COL21A1: variants seen among roughly 807,000 people sequenced by gnomAD.
COL21A1 encodes the protein collagen type XXI alpha 1 chain.
In COL21A1, 149 loss-of-function variants were observed where a neutral mutation model predicts 137.9. The ratio of observed to expected loss-of-function variants is 1.08; its 90% CI spans 0.95 to 1.24. The LOEUF (loss-of-function observed/expected upper bound fraction) is 1.24, where lower values mean the gene tolerates loss of function less well. COL21A1 is among the 50% of genes most tolerant of loss of function. COL21A1 has a pLI of 0.00. For missense variants in COL21A1, 1,167 were observed against 1,158.4 expected (o/e 1.01, Z -0.11); for synonymous variants, 456 against 391.5 (o/e 1.16, Z -1.95).
At position 56,141,810 on chromosome 6, in the gene COL21A1, C is replaced by T. The variant is rs1774435226; in HGVS notation, c.1517G>A (p.Gly506Glu). Residue 506 changes from glycine (G) to glutamate (E), a missense_variant, in exon 12 of 30, where the codon GGA becomes GAA. By Grantham distance (98) the Gly-to-Glu change is moderately conservative (BLOSUM62 -2). Transcript: ENST00000244728. ...CTTGTCACCATCTCGCCCTGGTTCT[C>T]CTTTGTAACCTGGTAGTCCTCGAGC... ...QGARGLPGYK[G>E]EPGRDGDKGD... 2 of 1,613,566 alleles carry T rather than the reference C, an allele frequency of 1.2e-6. No homozygotes were observed. Among genetic ancestry groups the T allele is most frequent in the Non-Finnish European group, 1.7e-6 (2 of 1,179,744 alleles).
At chr6:56,259,256 A>C (rs1243834121) in intron 1 of COL21A1, among the ~76,000 whole-genome samples, 1 of 152,148 alleles carries the variant, frequency 6.6e-6, no homozygotes, top group Non-Finnish European at 1.5e-5. Context: ...AGTTTACTGC[A>C]TTCCCCCACT....
chr6:56,390,523 C>CAT lies in COL21A1; in HGVS notation c.-39+3447_-39+3448insAT, dbSNP rs1339360190. ...ACACACACACACACACACACACACA[C>CAT]ACACACACACACGACCCTACTATAT... On this transcript the variant is annotated intron_variant, in intron 1 of 28. Coordinates refer to the COL21A1 transcript ENST00000370819. Among the ~76,000 whole-genome samples, 6 of 151,626 alleles carry CAT rather than the reference C, an allele frequency of 4.0e-5. No individual in the cohort carries two copies. The East Asian group carries it at 1.2e-3, about 29-fold the overall frequency.
chr6:56,279,348 A>G (rs1763742921), intron 1 of COL21A1, among the ~76,000 whole-genome samples: 1 of 152,198 alleles, frequency 6.6e-6, no homozygotes, highest in South Asian at 2.1e-4. Context: ...TTTATTTATA[A>G]ATTATCCAGT....
Position 56,135,362 on chromosome 6 carries a change from T to C in COL21A1, c.1542+6423A>G, listed in dbSNP as rs567079134. ...TAACACAATGCCCCCAAATCGCATG[T>C]CAAGATACCTTACCCAACTCACTAA... On this transcript the variant is annotated intron_variant, in intron 12 of 29. Transcript: ENST00000244728. Among the ~76,000 whole-genome samples the C allele has an allele frequency of 6.6e-5, 10 of 152,218 alleles. No individual in the cohort carries two copies. In the South Asian group the frequency reaches 1.9e-3, roughly 28 times the overall value.
chr6:56,162,590 C>A (rs1248974481), intron 9 of COL21A1, among the ~76,000 whole-genome samples: 3 of 152,064 alleles, frequency 2.0e-5, no homozygotes, highest in Non-Finnish European at 4.4e-5. Context: ...AAGTGAACAG[C>A]CCCTTGGAGA....
At chr6:56,094,319 C>T (rs1173810383) in intron 17 of COL21A1, among the ~76,000 whole-genome samples, 1 of 152,162 alleles carries the variant, frequency 6.6e-6, no homozygotes, top group Non-Finnish European at 1.5e-5. Flanking sequence ...TTTCCTACAG[C>T]ATGTTCCTCT....
intron 1 of COL21A1, among the ~76,000 whole-genome samples, chr6:56,307,971 G>T (rs915321755): frequency 6.6e-6 from 1 of 152,158 alleles, no homozygotes; most frequent in Non-Finnish European, 1.5e-5. Context: ...AAGAAATCTG[G>T]CTACATAAAT....
intron 1 of COL21A1, among the ~76,000 whole-genome samples, chr6:56,366,970 T>C (rs1766115625): frequency 6.6e-6 from 1 of 152,212 alleles, no homozygotes; most frequent in African/African-American, 2.4e-5. Flanking sequence ...TACCTCAATT[T>C]ACTTAACAAA....
At chr6:56,389,810 A>G (rs536124575) in intron 1 of COL21A1, among the ~76,000 whole-genome samples, 20 of 152,322 alleles carry the variant, frequency 1.3e-4, no homozygotes, top group African/African-American at 4.8e-4. Context: ...AAATCTTCCA[A>G]CCTATAATAT....
chr6:56,080,102 T>C (rs951488019), intron 17 of COL21A1, among the ~76,000 whole-genome samples: 1 of 151,820 alleles, frequency 6.6e-6, no homozygotes, highest in African/African-American at 2.4e-5. Context: ...AATTTTAAGT[T>C]AGCAGTAATA....
chr6:56,361,693 A>AT (rs1765969318), intron 1 of COL21A1, among the ~76,000 whole-genome samples: 1 of 138,244 alleles, frequency 7.2e-6, no homozygotes, highest in African/African-American at 2.5e-5. Context: ...AGATCCAAGC[A>AT]TAAAAAAAAA....
intron 1 of COL21A1, among the ~76,000 whole-genome samples, chr6:56,309,255 G>A (rs747625038): frequency 6.6e-6 from 1 of 152,052 alleles, no homozygotes. Context: ...TGGCTAGGAT[G>A]GTCTTATCTC....
intron 1 of COL21A1, among the ~76,000 whole-genome samples, chr6:56,229,183 C>A (rs1328780422): frequency 6.6e-6 from 1 of 151,642 alleles, no homozygotes; most frequent in Non-Finnish European, 1.5e-5. Flanking sequence ...GAGTTCAAGC[C>A]CAGCCTGGGC....
chr6:56,320,304 T>C (rs1170533379), intron 1 of COL21A1, among the ~76,000 whole-genome samples: 1 of 152,094 alleles, frequency 6.6e-6, no homozygotes, highest in East Asian at 1.9e-4. Context: ...CCTTGTTCCA[T>C]ATAGCCATCA....
At chr6:56,160,104 CAGGT>C (rs1192145169) in intron 9 of COL21A1, among the ~76,000 whole-genome samples, 2 of 152,100 alleles carry the variant, frequency 1.3e-5, no homozygotes, top group Non-Finnish European at 2.9e-5. Flanking sequence ...CGCAAAAACT[CAGGT>C]AGGTTTGGTA....
At position 56,164,237 on chromosome 6, in the gene COL21A1, G is replaced by C. The variant is rs554371102; in HGVS notation, c.1371+186C>G. Among the ~76,000 whole-genome samples the C allele has an allele frequency of 2.0e-5, 3 of 152,208 alleles. No individual in the cohort carries two copies. The South Asian group carries it at 6.2e-4, about 32-fold the overall frequency. On this transcript the variant is annotated intron_variant, in intron 9 of 29. Coordinates refer to ENST00000244728, the MANE Select transcript of COL21A1 (RefSeq NM_030820.4). ...ACAGATACAGTTTTGGGTTCAAAAG[G>C]TATCCTAATCTAGGCTAGAATACAC...
Position 56,171,043 on chromosome 6 carries a change from C to A in COL21A1, c.726G>T (p.Lys242Asn), listed in dbSNP as rs757920108. 1.2e-6 allele frequency: 2 copies of A among 1,606,892 alleles called. No homozygotes were observed. Among genetic ancestry groups the A allele is most frequent in the Non-Finnish European group, 1.7e-6 (2 of 1,177,300 alleles). ...DILLGLDVNKKVKKRIQLSPK... is the reference protein window; with the variant it reads ...DILLGLDVNKNVKKRIQLSPK... ...GTGAAAGCTGTATTCTTTTCTTAAC[C>A]TTTTTATTTACATCTAAACCTAAAA... Residue 242 changes from lysine to asparagine, a missense_variant, in exon 4 of 30, where the codon AAG becomes AAT. Physicochemically the swap from Lys to Asn is moderately conservative, Grantham distance 94 (BLOSUM62 0). Coordinates refer to ENST00000244728, the MANE Select transcript of COL21A1 (RefSeq NM_030820.4).
intron 1 of COL21A1, among the ~76,000 whole-genome samples, chr6:56,202,991 T>C (rs1308376603): frequency 6.6e-6 from 1 of 152,186 alleles, no homozygotes; most frequent in East Asian, 1.9e-4. Context: ...ATGCAGCCTT[T>C]TTCTCTAGCT....
chr6:56,110,322 A>G (rs1285508978), intron 16 of COL21A1, among the ~76,000 whole-genome samples: 2 of 150,654 alleles, frequency 1.3e-5, no homozygotes, highest in East Asian at 3.9e-4. Context: ...CTCTCAATAG[A>G]CTGGGAATAA....
Sources: allele counts gnomAD v4.1 joint callset (sites outside exome capture counted in the v4.1 genomes callset), GRCh38; gene constraint gnomAD v4.1.1; transcripts MANE v1.5; gene names NCBI Gene and HGNC (gene_info 2026-07-23, HGNC 2026-07-21).